Variants in SRRM3 observed in about 807,000 individuals in gnomAD.
SRRM3 encodes the protein serine/arginine repetitive matrix protein 3.
SRRM3 carries 27 observed loss-of-function variants against 66.2 expected under a neutral mutation model. The observed-to-expected ratio is 0.41, with a 90% CI of 0.30 to 0.56. The LOEUF (loss-of-function observed/expected upper bound fraction) is 0.56, where lower values mean the gene tolerates loss of function less well. Among genes scored for constraint, SRRM3 ranks in the 20% least tolerant of loss-of-function variants. The pLI is 0.32. For synonymous variants in SRRM3, 391 were observed against 414.9 expected, an observed-to-expected ratio of 0.94 and a Z score of 0.70; for missense variants, 918 against 991.9, an observed-to-expected ratio of 0.93 and a Z score of 1.00.
intron 3 of SRRM3, among the ~76,000 whole-genome samples, chr7:76,256,946 G>A (rs1488514245): frequency 1.3e-5 from 2 of 152,006 alleles, no homozygotes; most frequent in African/African-American, 4.8e-5. Flanking sequence ...CCGACCTCTG[G>A]TGATCCGCCC....
chr7:76,236,005 CAAAAAAAA>C (rs1161706465), intron 2 of SRRM3, among the ~76,000 whole-genome samples: 903 of 20,308 alleles, frequency 0.044, 29 homozygotes, highest in African/African-American at 0.14. Flanking sequence ...GATTCTGTCT[CAAAAAAAA>C]AAAAAAAAAA....
At chr7:76,261,486 C>T (rs1554608745) in intron 7 of SRRM3, 60 bp from the exon 8 acceptor site, 12 of 1,600,500 alleles carry the variant, frequency 7.5e-6, no homozygotes, top group South Asian at 1.1e-5. Context: ...TGTGGCCCTC[C>T]ATAGGTCTCC....
chr7:76,262,677 A>G (rs1046774897), intron 8 of SRRM3, among the ~76,000 whole-genome samples: 5 of 150,724 alleles, frequency 3.3e-5, no homozygotes, highest in Admixed American at 6.6e-5. Context: ...TTATCTGGGC[A>G]TGGTGGCGGG....
intron 3 of SRRM3, among the ~76,000 whole-genome samples, chr7:76,257,744 GCCTCGCGACAGGGTGAGAC>G (rs1801750467): frequency 6.6e-6 from 1 of 151,932 alleles, no homozygotes; most frequent in African/African-American, 2.4e-5. Flanking sequence ...CTGCACTCCA[GCCTCGCGACAGGGTGAGAC>G]CCTGTCTCAA....
At chr7:76,247,412 T>C (rs1464826883) in intron 2 of SRRM3, among the ~76,000 whole-genome samples, 2 of 151,886 alleles carry the variant, frequency 1.3e-5, no homozygotes, top group Non-Finnish European at 2.9e-5. Flanking sequence ...CGACCTCCCA[T>C]GGCTATATGA....
chr7:76,251,193 C>G (rs1801572755), intron 3 of SRRM3, among the ~76,000 whole-genome samples: 1 of 152,218 alleles, frequency 6.6e-6, no homozygotes, highest in Non-Finnish European at 1.5e-5. Flanking sequence ...TCCACATGCT[C>G]TTTGTCCTTT....
At chr7:76,213,055 G>T (rs1554601993) in intron 1 of SRRM3, among the ~76,000 whole-genome samples, 1 of 137,100 alleles carries the variant, frequency 7.3e-6, no homozygotes, top group Non-Finnish European at 1.5e-5. Context: ...TGTCGCCCAG[G>T]CTGGAGTGCA....
At chr7:76,237,625 T>C (rs1801183426) in intron 2 of SRRM3, among the ~76,000 whole-genome samples, 1 of 152,000 alleles carries the variant, frequency 6.6e-6, no homozygotes, top group Non-Finnish European at 1.5e-5. Flanking sequence ...TTCTGCGAAA[T>C]TCTGTCTGGA....
At chr7:76,213,191 A>G (rs1270270591) in intron 1 of SRRM3, among the ~76,000 whole-genome samples, 1 of 151,476 alleles carries the variant, frequency 6.6e-6, no homozygotes, top group African/African-American at 2.4e-5. Flanking sequence ...TTGAATTTTT[A>G]GTAGAAACGG....
intron 11 of SRRM3, among the ~76,000 whole-genome samples, chr7:76,277,895 A>G (rs1033777973): frequency 6.6e-5 from 10 of 152,164 alleles, no homozygotes; most frequent in African/African-American, 2.4e-4. Flanking sequence ...AAGATTTCTT[A>G]AAGAAGGAGA....
intron 2 of SRRM3, among the ~76,000 whole-genome samples, chr7:76,242,554 A>C (rs1801334570): frequency 6.6e-6 from 1 of 152,074 alleles, no homozygotes; most frequent in Non-Finnish European, 1.5e-5. Context: ...GGATGATTCA[A>C]GCACATTGCA....
chr7:76,266,498 A>G (rs1265943958), intron 10 of SRRM3, among the ~76,000 whole-genome samples: 2 of 111,304 alleles, frequency 1.8e-5, no homozygotes, highest in African/African-American at 7.5e-5. Flanking sequence ...ATATTTATAT[A>G]TTTAATATAT....
At chr7:76,235,677 C>G (rs557398102) in intron 2 of SRRM3, among the ~76,000 whole-genome samples, 57 of 151,974 alleles carry the variant, frequency 3.8e-4, no homozygotes, top group African/African-American at 1.4e-3. Flanking sequence ...ATCAGCCTGC[C>G]TAACATGGTG....
intron 1 of SRRM3, among the ~76,000 whole-genome samples, chr7:76,217,395 C>T (rs1395066365): frequency 6.6e-6 from 1 of 152,180 alleles, no homozygotes; most frequent in Non-Finnish European, 1.5e-5. Flanking sequence ...AGCGATTCTC[C>T]TGCCTCAACT....
intron 8 of SRRM3, among the ~76,000 whole-genome samples, 189 bp downstream of exon 8, chr7:76,261,770 C>T (rs1402197089): frequency 6.6e-6 from 1 of 151,986 alleles, no homozygotes; most frequent in Non-Finnish European, 1.5e-5. Context: ...GTTTGCAACC[C>T]TTGCCTGCCC....
chr7:76,211,984 C>T (rs1175992097), intron 1 of SRRM3, among the ~76,000 whole-genome samples: 4 of 150,940 alleles, frequency 2.7e-5, no homozygotes, highest in Admixed American at 6.6e-5. Flanking sequence ...GCACTACAGG[C>T]ACATGCCACC....
In SRRM3 at chr7:76,235,005, T is replaced by C. The variant is rs1801105168; in HGVS notation, c.-39-23T>C. Reference sequence around the variant, plus strand: ...GTGGCGAAGAAGTGACCATCCCGCCTCGTGTCTGTGTCTGTCCCTCAGGGC... The same window carrying C: ...GTGGCGAAGAAGTGACCATCCCGCCCCGTGTCTGTGTCTGTCCCTCAGGGC... On this transcript the variant is annotated intron_variant, in intron 1 of 14. Coordinates refer to ENST00000611745, the MANE Select transcript of SRRM3 (RefSeq NM_001110199.3). The C allele has an allele frequency of 2.7e-5, 37 of 1,390,936 alleles. No individual in the cohort carries two copies. In the South Asian group the frequency reaches 5.0e-4, roughly 19 times the overall value. 86.2% of individuals were successfully genotyped at this position (1,390,936 alleles called of 1,614,324 possible).
chr7:76,265,828 TTATATA>T (rs1167434051), intron 10 of SRRM3, among the ~76,000 whole-genome samples: 1,963 of 25,476 alleles, frequency 0.077, 301 homozygotes, highest in South Asian at 0.12. Context: ...TAATAAATAT[TTATATA>T]TATATATATA....
chr7:76,235,250 C>A lies in SRRM3; in HGVS notation c.184C>A (p.Arg62=), dbSNP rs1171055308. 1 of 1,545,498 alleles carries A rather than the reference C, an allele frequency of 6.5e-7. No individual in the cohort carries two copies. Among genetic ancestry groups the A allele is most frequent in the Non-Finnish European group, 8.7e-7 (1 of 1,153,712 alleles). The change falls in exon 2 of 15, where the codon CGG becomes AGG. Residue 62 remains arginine, a synonymous_variant. Transcript: ENST00000611745. The part of the protein sequence containing the change: ...REILDHERKR[R]VELKCMELQE... ...GATCCTGGACCACGAGCGCAAGCGG[C>A]GGGTGGAGCTCAAGTGCATGGAGCT... is the stretch of plus-strand genomic sequence containing the variant.
Sources: gnomAD v4.1 joint callset for allele counts (sites outside exome capture counted in the v4.1 genomes callset) on GRCh38, gnomAD v4.1.1 for gene constraint, MANE v1.5 for transcripts, NCBI Gene and HGNC (gene_info 2026-07-23, HGNC 2026-07-21) for gene names.